The following CD58 variants were observed in gnomAD, a reference collection of about 807,000 sequenced individuals.
The protein encoded by CD58 is CD58 molecule.
Under a neutral mutation model 27.6 loss-of-function variants are expected in CD58, and 14 were observed. The ratio of observed to expected loss-of-function variants is 0.51; its 90% CI spans 0.34 to 0.79. CD58 has a LOEUF of 0.79. Among genes scored for constraint, CD58 ranks in the 30% least tolerant of loss-of-function variants. The pLI, the probability that CD58 is intolerant of heterozygous loss-of-function variation, is 0.02. For synonymous variants in CD58, 117 were observed against 103.8 expected (o/e 1.13, Z -0.77); for missense variants, 268 against 301.7 (o/e 0.89, Z 0.83).
chr1:116,545,972 T>C (rs1261322749), intron 1 of CD58, among the ~76,000 whole-genome samples: 1 of 151,784 alleles, frequency 6.6e-6, no homozygotes, highest in East Asian at 1.9e-4. Context: ...AGTTCAGGAG[T>C]TCAAGACCAA....
rs1657894413 is a variant in CD58 at position 116,538,652 on chromosome 1, A to G, written c.365-2424T>C. ...TTCTGTTGCAGATTCTAATGTATTG[A>G]TCTAGCTCTGCCAATGTCTAGTCTT... On this transcript the variant is annotated intron_variant, in intron 2 of 5. Coordinates refer to ENST00000369489, the MANE Select transcript of CD58 (RefSeq NM_001779.3). This position sits in a 1 kb window ranked among gnomAD's most constrained non-coding sequence, Gnocchi z 4.7. Among the ~76,000 whole-genome samples the G allele has an allele frequency of 6.6e-6, 1 of 152,150 alleles. No homozygotes were observed. The highest frequency in any genetic ancestry group is 1.5e-5 in the Non-Finnish European group (1 of 68,024).
intron 1 of CD58, among the ~76,000 whole-genome samples, chr1:116,569,367 C>T (rs966049269): frequency 3.3e-5 from 5 of 152,148 alleles, no homozygotes; most frequent in Non-Finnish European, 7.4e-5. Flanking sequence ...TCTTCCCAGG[C>T]GCATGGTCCT....
chr1:116,569,994 C>G (rs1394032414), intron 1 of CD58, among the ~76,000 whole-genome samples: 3 of 152,222 alleles, frequency 2.0e-5, no homozygotes, highest in Admixed American at 2.0e-4. Flanking sequence ...TAGATGCACA[C>G]GCGCACCTCC....
chr1:116,545,864 T>C (rs946831000), intron 1 of CD58, among the ~76,000 whole-genome samples: 2 of 152,238 alleles, frequency 1.3e-5, no homozygotes, highest in African/African-American at 4.8e-5. Context: ...CATCTTGCTC[T>C]AGGACTTGTC....
At chr1:116,542,360 G>C (rs1033754555) in intron 2 of CD58, among the ~76,000 whole-genome samples, 15 of 152,230 alleles carry the variant, frequency 9.9e-5, no homozygotes, top group African/African-American at 3.1e-4. Context: ...GGAGTGATCA[G>C]CTATGTCAAA....
chr1:116,566,547 G>A lies in CD58; in HGVS notation c.70+4356C>T, dbSNP rs572894760. On this transcript the variant is annotated intron_variant, in intron 1 of 5. Coordinates refer to ENST00000369489, the MANE Select transcript of CD58 (RefSeq NM_001779.3). ...AAGAAACCAGGGAACCTAATGATTC[G>A]AAGGCTGAGGCAGGAACACTACAAG... 3.3e-5 allele frequency among the ~76,000 whole-genome samples: 5 copies of A among 152,260 alleles called. No individual in the cohort carries two copies. In the South Asian group the frequency reaches 6.2e-4, roughly 19 times the overall value.
rs1557831550 is a variant in CD58, at chr1:116,519,261, A to G, written c.713T>C (p.Leu238Pro). Reference sequence around the variant, plus strand: ...TCTGTCTGGTTTTCTGTCACATTTCAGAATACCTAAAAATGAAGAAATTGT... The same window carrying G: ...TCTGTCTGGTTTTCTGTCACATTTCGGAATACCTAAAAATGAAGAAATTGT... ...TCIVLYMNGILKCDRKPDRTN... is the reference protein window; with the variant it reads ...TCIVLYMNGIPKCDRKPDRTN... Residue 238 changes from leucine (L) to proline (P), a missense_variant, in exon 5 of 6, where the codon CTG (leucine) becomes CCG (proline). Coordinates refer to ENST00000369489, the MANE Select transcript of CD58 (RefSeq NM_001779.3). This position sits in a 1 kb window ranked among gnomAD's most constrained non-coding sequence, Gnocchi z 4.7. The G allele has an allele frequency of 1.2e-6, 2 of 1,611,730 alleles. No homozygotes were observed. Among genetic ancestry groups the G allele is most frequent in the African/African-American group, 2.7e-5 (2 of 74,906 alleles).
rs41275570 is a variant in CD58 at position 116,536,299 on chromosome 1, A to G, written c.365-71T>C. Reference sequence around the variant, plus strand: ...AGACTTATCATCTGCAAATTTATGAAGAGCTCGCAACCTCCTTACAAGCTT... The same window carrying G: ...AGACTTATCATCTGCAAATTTATGAGGAGCTCGCAACCTCCTTACAAGCTT... On this transcript the variant is annotated intron_variant, in intron 2 of 5. Coordinates refer to ENST00000369489, the MANE Select transcript of CD58 (RefSeq NM_001779.3). This position sits in a 1 kb window ranked among gnomAD's most constrained non-coding sequence, Gnocchi z 5.4. The G allele has an allele frequency of 0.025, 29,074 of 1,173,792 alleles. 479 individuals are homozygous for G. Among genetic ancestry groups the G allele is most frequent in the Non-Finnish European group, 0.03 (25,061 of 844,262 alleles). 72.7% of individuals were successfully genotyped at this position (1,173,792 alleles called of 1,614,324 possible).
rs1657280185 is a variant in CD58 at position 116,522,109 on chromosome 1, C to A, written c.629-126G>T. On this transcript the variant is annotated intron_variant, in intron 3 of 5. Coordinates refer to ENST00000369489, the MANE Select transcript of CD58 (RefSeq NM_001779.3). This position sits in a 1 kb window ranked among gnomAD's most constrained non-coding sequence, Gnocchi z 4.6. ...TTTATTTGTAATCCACAAATCAATA[C>A]CCAAAGCAGTCATTCTCAGACATAA... 5.2e-6 allele frequency: 3 copies of A among 580,002 alleles called. No homozygotes were observed. Among genetic ancestry groups the A allele is most frequent in the Non-Finnish European group, 9.4e-6 (3 of 317,732 alleles). 35.9% of individuals were successfully genotyped at this position (580,002 alleles called of 1,614,324 possible). A position where few individuals can be genotyped will look rare whatever the true frequency, so the allele number is the denominator to read the frequency against.
chr1:116,554,351 A>G (rs1440107598), intron 1 of CD58, among the ~76,000 whole-genome samples: 1 of 152,128 alleles, frequency 6.6e-6, no homozygotes, highest in African/African-American at 2.4e-5. Context: ...TTAAAAATAA[A>G]AAGTTATAGA....
Position 116,544,441 on chromosome 1 carries a change from T to C in CD58, c.234A>G (p.Lys78=), listed in dbSNP as rs1167239996. The change falls in exon 2 of 6, where the codon AAA becomes AAG. Residue 78 remains lysine (K), a synonymous_variant. Coordinates refer to ENST00000369489, the MANE Select transcript of CD58 (RefSeq NM_001779.3). ...NSEFRAFSSF[K]NRVYLDTVSG... ...ACACAGTGTCTAAATAAACCCTATT[T>C]TTAAAAGATGAGAAAGCTCTGAATT... 2.5e-6 allele frequency: 4 copies of C among 1,614,040 alleles called. No homozygotes were observed. Among genetic ancestry groups the C allele is most frequent in the Middle Eastern group, 1.6e-4 (1 of 6,074 alleles).
At chr1:116,556,599 G>C (rs1467895705) in intron 1 of CD58, among the ~76,000 whole-genome samples, 2 of 152,208 alleles carry the variant, frequency 1.3e-5, no homozygotes, top group African/African-American at 4.8e-5. Context: ...AAGCTCTGTG[G>C]TTTCCAAATC....
chr1:116,569,211 TTGTATC>T (rs1239190380), intron 1 of CD58, among the ~76,000 whole-genome samples: 3 of 152,162 alleles, frequency 2.0e-5, no homozygotes, highest in East Asian at 3.8e-4. Context: ...TAATCCCTGT[TTGTATC>T]TCTTCTTTTC....
intron 3 of CD58, among the ~76,000 whole-genome samples, chr1:116,530,690 A>C (rs1657575073): frequency 6.6e-6 from 1 of 152,218 alleles, no homozygotes; most frequent in South Asian, 2.1e-4. Flanking sequence ...AACCTGAAAA[A>C]GTAAGATCTA....
intron 2 of CD58, among the ~76,000 whole-genome samples, chr1:116,542,705 C>T (rs1199887762): frequency 6.6e-6 from 1 of 152,082 alleles, no homozygotes; most frequent in Non-Finnish European, 1.5e-5. Context: ...GGGTGATATT[C>T]CCGAGGACGG....
rs1464280351 is a variant in CD58 at position 116,522,291 on chromosome 1, T to A, written c.629-308A>T. On this transcript the variant is annotated intron_variant, in intron 3 of 5. Coordinates refer to ENST00000369489, the MANE Select transcript of CD58 (RefSeq NM_001779.3). This position sits in a 1 kb window ranked among gnomAD's most constrained non-coding sequence, Gnocchi z 4.6. ...CATGATTTTGCATTTTTGTGCTTTT[T>A]TGTTGGTGATTTCACTATTTTAAGT... Among the ~76,000 whole-genome samples, 1 of 152,232 alleles carries A rather than the reference T, an allele frequency of 6.6e-6. No homozygotes were observed. Among genetic ancestry groups the A allele is most frequent in the East Asian group, 1.9e-4 (1 of 5,202 alleles).
Position 116,515,922 on chromosome 1 carries a change from C to T in CD58, c.744-1100G>A, listed in dbSNP as rs555353579. ...CTGTTGTTCCTAATTGGGTTTAGTT[C>T]TTCCTGCTCCTGCCCTCGCGCAGCT... On this transcript the variant is annotated intron_variant, in intron 5 of 5. Transcript: ENST00000369489. This position sits in a 1 kb window ranked among gnomAD's most constrained non-coding sequence, Gnocchi z 4.6. 1.3e-5 allele frequency among the ~76,000 whole-genome samples: 2 copies of T among 152,294 alleles called. No individual in the cohort carries two copies. The highest frequency in any genetic ancestry group is 2.1e-4 in the South Asian group (1 of 4,820).
rs1341801428 is a variant in CD58 at position 116,546,987 on chromosome 1, T to C, written c.71-2383A>G. Among the ~76,000 whole-genome samples the C allele has an allele frequency of 6.6e-6, 1 of 152,110 alleles. No individual in the cohort carries two copies. Among genetic ancestry groups the C allele is most frequent in the African/African-American group, 2.4e-5 (1 of 41,378 alleles). ...TAAGTATATTTTCTTCCTTATGCTT[T>C]TTTTTCTTTTTTAAATTTTTTTATT... On this transcript the variant is annotated intron_variant, in intron 1 of 5. Transcript: ENST00000369489. The surrounding 1 kb of genome is among the most constrained non-coding windows in gnomAD (Gnocchi z 4.1).
Position 116,522,741 on chromosome 1 carries a change from T to C in CD58, c.629-758A>G, listed in dbSNP as rs1023011729. ...TTAATAAAAGAAGCAAGTGTTCCAC[T>C]AGAAGGTTTGTTTCTGACCATCTCA... On this transcript the variant is annotated intron_variant, in intron 3 of 5. Coordinates refer to ENST00000369489, the MANE Select transcript of CD58 (RefSeq NM_001779.3). This position sits in a 1 kb window ranked among gnomAD's most constrained non-coding sequence, Gnocchi z 4.6. Among the ~76,000 whole-genome samples the C allele has an allele frequency of 2.0e-5, 3 of 152,248 alleles. No homozygotes were observed. The highest frequency in any genetic ancestry group is 6.5e-5 in the Admixed American group (1 of 15,290).
Sources: gnomAD v4.1 joint callset for allele counts (sites outside exome capture counted in the v4.1 genomes callset) on GRCh38, gnomAD v4.1.1 for gene constraint, Gnocchi (gnomAD v3.1) non-coding constraint, MANE v1.5 for transcripts, NCBI Gene and HGNC (gene_info 2026-07-23, HGNC 2026-07-21) for gene names.